TENM3: variants seen among roughly 807,000 people sequenced by gnomAD.
TENM3 encodes the protein teneurin-3.
A neutral mutation model predicts 255.1 loss-of-function variants in TENM3; 63 were observed. The ratio of observed to expected loss-of-function variants is 0.25; its 90% CI spans 0.20 to 0.30. The LOEUF (loss-of-function observed/expected upper bound fraction) is 0.30. TENM3 is among the 10% of genes least tolerant of loss of function. The pLI is 1.00. For missense variants in TENM3, 2,929 were observed against 3,461.1 expected (o/e 0.85, Z 3.86); for synonymous variants, 1,306 against 1,322.3 (o/e 0.99, Z 0.27).
intron 3 of TENM3, among the ~76,000 whole-genome samples, chr4:182,391,840 A>G (rs1410801921): frequency 2.0e-5 from 3 of 152,104 alleles, no homozygotes. Context: ...TTATCCTTTT[A>G]TGGTTGACTT....
At chr4:182,483,200 C>T (rs961533) in intron 3 of TENM3, among the ~76,000 whole-genome samples, 80,152 of 151,898 alleles carry the variant, frequency 0.53, 21,861 homozygotes, top group East Asian at 0.74. Context: ...TTTAGCTGGA[C>T]TAACAACATT....
chr4:182,719,906 T>G (rs1344438149), intron 13 of TENM3, among the ~76,000 whole-genome samples: 1 of 151,648 alleles, frequency 6.6e-6, no homozygotes, highest in Non-Finnish European at 1.5e-5. Context: ...ACAAAAAATA[T>G]AAAAATCAGG....
At chr4:182,013,196 G>GGCT in the TENM3 span, among the ~76,000 whole-genome samples, 1 of 152,164 alleles carries the variant, frequency 6.6e-6, no homozygotes, top group Non-Finnish European at 1.5e-5. Context: ...GCTTATACCA[G>GGCT]GCTGCTGCTG....
At chr4:182,715,519 G>A (rs191613065) in intron 13 of TENM3, among the ~76,000 whole-genome samples, 4 of 152,358 alleles carry the variant, frequency 2.6e-5, no homozygotes, top group Admixed American at 2.0e-4. Flanking sequence ...CATGTGAAGT[G>A]TGTAGCATAT....
At chr4:181,977,711 G>T in the TENM3 span, among the ~76,000 whole-genome samples, 1 of 152,182 alleles carries the variant, frequency 6.6e-6, no homozygotes, top group Non-Finnish European at 1.5e-5. Context: ...GGCACCTGGG[G>T]TGGGTATTTT....
intron 1 of TENM3, among the ~76,000 whole-genome samples, chr4:182,237,910 A>G (rs1030466812): frequency 2.0e-5 from 3 of 152,214 alleles, no homozygotes; most frequent in African/African-American, 7.2e-5. Context: ...AAGAATCCCA[A>G]AGGAATTTTG....
the TENM3 span, among the ~76,000 whole-genome samples, chr4:181,539,271 G>T: frequency 2.7e-3 from 408 of 152,198 alleles, 1 homozygote; most frequent in African/African-American, 9.3e-3. Context: ...ATTACCCAAA[G>T]GTTCTTCAAC....
At chr4:182,276,322 T>G (rs1180787442) in intron 1 of TENM3, among the ~76,000 whole-genome samples, 1 of 152,222 alleles carries the variant, frequency 6.6e-6, no homozygotes, top group Non-Finnish European at 1.5e-5. Flanking sequence ...TCAAGTCAAC[T>G]TAAACGGTTA....
chr4:182,336,659 T>C (rs1764159199), intron 2 of TENM3, among the ~76,000 whole-genome samples: 1 of 152,206 alleles, frequency 6.6e-6, no homozygotes. Context: ...CCTGATGGCT[T>C]GGTTTTCAAT....
the TENM3 span, among the ~76,000 whole-genome samples, chr4:181,475,063 A>AT: frequency 1.3e-5 from 2 of 152,354 alleles, no homozygotes; most frequent in South Asian, 2.1e-4. Context: ...TTATAAGACA[A>AT]TATAATGATT....
the TENM3 span, among the ~76,000 whole-genome samples, chr4:181,585,094 C>T: frequency 6.6e-6 from 1 of 151,584 alleles, no homozygotes; most frequent in East Asian, 1.9e-4. Context: ...TCACTAACTG[C>T]CTTTGTGACT....
At chr4:182,674,472 T>C (rs531232674) in intron 7 of TENM3, among the ~76,000 whole-genome samples, 11 of 152,298 alleles carry the variant, frequency 7.2e-5, no homozygotes, top group African/African-American at 2.4e-4. Context: ...ATCTATATTA[T>C]TAAAGTAAAT....
chr4:181,477,535 C>T, the TENM3 span, among the ~76,000 whole-genome samples: 10 of 152,264 alleles, frequency 6.6e-5, no homozygotes, highest in South Asian at 1.5e-3. Context: ...ATACCCACAA[C>T]TCTTACATGT....
intron 4 of TENM3, among the ~76,000 whole-genome samples, chr4:182,609,253 C>T (rs1748752589): frequency 6.6e-6 from 1 of 152,174 alleles, no homozygotes; most frequent in African/African-American, 2.4e-5. Context: ...GCCACCACAC[C>T]CAGCCTTAAT....
At chr4:182,404,815 T>G (rs1380992703) in intron 3 of TENM3, among the ~76,000 whole-genome samples, 1 of 152,214 alleles carries the variant, frequency 6.6e-6, no homozygotes, top group African/African-American at 2.4e-5. Flanking sequence ...ATACAGCTCC[T>G]CATCAAAGGA....
At chr4:181,910,293 G>T in the TENM3 span, among the ~76,000 whole-genome samples, 2 of 151,970 alleles carry the variant, frequency 1.3e-5, no homozygotes, top group African/African-American at 4.8e-5. Flanking sequence ...CAGGCCGGGT[G>T]CAGTGGCTCA....
In TENM3 at chr4:182,486,066, C is replaced by T. The variant is rs1322794006; in HGVS notation, c.512-114858C>T. Among the ~76,000 whole-genome samples the T allele has an allele frequency of 4.0e-5, 6 of 151,886 alleles. 1 individual carries two copies. In the South Asian group the frequency reaches 8.3e-4, roughly 21 times the overall value. Reference sequence around the variant, plus strand: ...TAGGTAGCATGTCCAAAGCTGGAGCCGGAAGACAGTGTCAGGGAGCTGCAC... The same window carrying T: ...TAGGTAGCATGTCCAAAGCTGGAGCTGGAAGACAGTGTCAGGGAGCTGCAC... On this transcript the variant is annotated intron_variant, in intron 3 of 27. Transcript: ENST00000511685.
chr4:182,719,253 T>C (rs1453866449), intron 13 of TENM3, among the ~76,000 whole-genome samples: 3 of 14,948 alleles, frequency 2.0e-4, no homozygotes, highest in Non-Finnish European at 3.0e-4. Flanking sequence ...TTTTTTTTTC[T>C]TTTTTTTTTT....
intron 3 of TENM3, among the ~76,000 whole-genome samples, chr4:182,460,522 T>G (rs1007240793): frequency 6.6e-6 from 1 of 152,134 alleles, no homozygotes. Flanking sequence ...ACACTAGCGG[T>G]TGCCTGTGAA....
Sources: gnomAD v4.1 joint callset for allele counts (sites outside exome capture counted in the v4.1 genomes callset) on GRCh38, gnomAD v4.1.1 for gene constraint, MANE v1.5 for transcripts, NCBI Gene and HGNC (gene_info 2026-07-23, HGNC 2026-07-21) for gene names.